Variants in GAP43 observed in about 807,000 individuals in gnomAD.
GAP43 encodes the protein growth associated protein 43.
A neutral mutation model predicts 18.6 loss-of-function variants in GAP43; 6 were observed. The ratio of observed to expected loss-of-function variants is 0.32; its 90% confidence interval spans 0.18 to 0.64. The LOEUF is 0.64. Ranked by LOEUF, GAP43 falls within the 30% of genes least tolerant of loss-of-function variation. The probability of loss-of-function intolerance (pLI) is 0.78; values close to 1 mark genes in which losing one functional copy is unlikely to be tolerated. For synonymous variants in GAP43, 115 were observed against 111.4 expected (o/e 1.03, Z -0.20); for missense variants, 292 against 295.5 (o/e 0.99, Z 0.09).
At chr3:115,711,925 T>C (rs1368974680) in intron 2 of GAP43, among the ~76,000 whole-genome samples, 1 of 152,248 alleles carries the variant, frequency 6.6e-6, no homozygotes, top group Non-Finnish European at 1.5e-5. Context: ...TTTAACTTAA[T>C]ATATTTACTT....
chr3:115,634,666 A>G (rs1466094363), intron 1 of GAP43, among the ~76,000 whole-genome samples: 2 of 152,060 alleles, frequency 1.3e-5, no homozygotes, highest in Non-Finnish European at 2.9e-5. Context: ...ACTACTCTGA[A>G]GGCTGATGAG....
intron 1 of GAP43, among the ~76,000 whole-genome samples, chr3:115,642,989 G>A (rs1561383): frequency 0.98 from 149,728 of 152,154 alleles, 73,712 homozygotes; most frequent in East Asian, 1. Context: ...ACTGACTTAA[G>A]CTTTGCATGT....
At chr3:115,704,516 A>G (rs1709336713) in intron 2 of GAP43, among the ~76,000 whole-genome samples, 1 of 152,142 alleles carries the variant, frequency 6.6e-6, no homozygotes, top group Admixed American at 6.6e-5. Flanking sequence ...TTAGAATTTG[A>G]TAAAACAGTA....
At chr3:115,669,037 C>A (rs1429922163) in intron 1 of GAP43, among the ~76,000 whole-genome samples, 1 of 147,450 alleles carries the variant, frequency 6.8e-6, no homozygotes, top group Non-Finnish European at 1.5e-5. Context: ...CAGAGAGTGA[C>A]CCTGTCTAAA....
chr3:115,702,842 A>G (rs571598844), intron 2 of GAP43, among the ~76,000 whole-genome samples: 1 of 152,266 alleles, frequency 6.6e-6, no homozygotes, highest in South Asian at 2.1e-4. Context: ...TTCAGGCAAA[A>G]GGGGAAAGGT....
At chr3:115,628,981 C>T (rs1708226601) in intron 1 of GAP43, among the ~76,000 whole-genome samples, 1 of 152,184 alleles carries the variant, frequency 6.6e-6, no homozygotes, top group Admixed American at 6.5e-5. Context: ...TGTTGTGTAT[C>T]ACACTTGATC....
chr3:115,636,459 A>G (rs1040135263), intron 1 of GAP43, among the ~76,000 whole-genome samples: 1 of 152,096 alleles, frequency 6.6e-6, no homozygotes, highest in African/African-American at 2.4e-5. Context: ...CTAAGGCCCT[A>G]ATGTCCATAT....
intron 1 of GAP43, among the ~76,000 whole-genome samples, chr3:115,627,718 A>G (rs1405780915): frequency 6.6e-6 from 1 of 152,154 alleles, no homozygotes; most frequent in South Asian, 2.1e-4. Flanking sequence ...TCACTTCCCT[A>G]TTAGTATTAA....
intron 2 of GAP43, among the ~76,000 whole-genome samples, chr3:115,679,711 A>G (rs1481703332): frequency 1.3e-5 from 2 of 152,126 alleles, no homozygotes; most frequent in Non-Finnish European, 2.9e-5. Context: ...ATGGTAGCCT[A>G]TTGATTTTCC....
At chr3:115,642,192 G>T (rs1708405842) in intron 1 of GAP43, among the ~76,000 whole-genome samples, 1 of 152,024 alleles carries the variant, frequency 6.6e-6, no homozygotes, top group African/African-American at 2.4e-5. Context: ...GGAGTAAACA[G>T]GGCTCTTTTA....
chr3:115,675,641 C>A lies in GAP43; in HGVS notation c.31-372C>A, dbSNP rs542310215. ...GAGTGTAGTGGCACATGCCTGTAAT[C>A]CCAGCTATTTGGGAGGTCAAGGCAG... is the stretch of plus-strand genomic sequence containing the variant. On this transcript the variant is annotated intron_variant, in intron 1 of 2. Transcript: ENST00000305124. Among the ~76,000 whole-genome samples the A allele has an allele frequency of 1.1e-4, 16 of 151,584 alleles. No individual in the cohort carries two copies. In the East Asian group the frequency reaches 3.1e-3, roughly 30 times the overall value.
intron 2 of GAP43, among the ~76,000 whole-genome samples, chr3:115,690,636 T>G (rs1481152581): frequency 6.6e-6 from 1 of 152,012 alleles, no homozygotes; most frequent in Non-Finnish European, 1.5e-5. Flanking sequence ...AGGTCCTCAA[T>G]TATTATCATT....
chr3:115,632,306 A>C (rs913936735), intron 1 of GAP43, among the ~76,000 whole-genome samples: 7 of 152,106 alleles, frequency 4.6e-5, no homozygotes, highest in Non-Finnish European at 8.8e-5. Context: ...ATGTAGATAC[A>C]GTTTGGTTGG....
intron 2 of GAP43, among the ~76,000 whole-genome samples, chr3:115,686,580 T>G (rs1344299242): frequency 6.6e-6 from 1 of 152,174 alleles, no homozygotes; most frequent in Non-Finnish European, 1.5e-5. Flanking sequence ...AAATGGATAC[T>G]TAGGAACTTT....
intron 1 of GAP43, among the ~76,000 whole-genome samples, chr3:115,657,238 T>A (rs2107478449): frequency 6.6e-6 from 1 of 152,258 alleles, no homozygotes. Context: ...GAGCAAGCGA[T>A]GAGCTAAAGT....
At chr3:115,698,043 T>G (rs1286876975) in intron 2 of GAP43, among the ~76,000 whole-genome samples, 1 of 67,348 alleles carries the variant, frequency 1.5e-5, no homozygotes, top group Admixed American at 2.6e-4. Context: ...AAAATATATA[T>G]TATATATTAT....
chr3:115,708,940 G>GTTTTTTTTTTTT (rs3086974), intron 2 of GAP43, among the ~76,000 whole-genome samples: 3 of 99,808 alleles, frequency 3.0e-5, no homozygotes, highest in African/African-American at 4.1e-5. Flanking sequence ...AACTGGCTGG[G>GTTTTTTTTTTTT]TTTTTTTTTT....
chr3:115,685,204 G>A (rs1709017556), intron 2 of GAP43, among the ~76,000 whole-genome samples: 1 of 152,208 alleles, frequency 6.6e-6, no homozygotes, highest in African/African-American at 2.4e-5. Context: ...TCATAGACCA[G>A]TGTGAGCATT....
At chr3:115,699,566 C>T (rs1709271036) in intron 2 of GAP43, among the ~76,000 whole-genome samples, 1 of 152,090 alleles carries the variant, frequency 6.6e-6, no homozygotes, top group South Asian at 2.1e-4. Context: ...CTCCCATTTC[C>T]TTTTTATTTA....
Sources: allele counts gnomAD v4.1 joint callset (sites outside exome capture counted in the v4.1 genomes callset), GRCh38; gene constraint gnomAD v4.1.1; transcripts MANE v1.5; gene names NCBI Gene and HGNC (gene_info 2026-07-23, HGNC 2026-07-21).